Variants in GRIP1 observed in about 807,000 individuals in gnomAD.
The protein encoded by GRIP1 is glutamate receptor-interacting protein 1.
Under a neutral mutation model 129.9 loss-of-function variants are expected in GRIP1, and 45 were observed. The ratio of observed to expected loss-of-function variants is 0.35; its 90% CI spans 0.27 to 0.44. GRIP1 has a LOEUF of 0.44. Ranked by LOEUF, GRIP1 falls within the 20% of genes least tolerant of loss-of-function variation. The pLI is 1.00. For synonymous variants in GRIP1, 530 were observed against 520.8 expected (o/e 1.02, Z -0.24); for missense variants, 1,196 against 1,396.8 (o/e 0.86, Z 2.29).
At chr12:66,920,916 ATCT>A (rs2041202613) in intron 1 of GRIP1, among the ~76,000 whole-genome samples, 1 of 152,234 alleles carries the variant, frequency 6.6e-6, no homozygotes, top group African/African-American at 2.4e-5. Flanking sequence ...TTCTCTAATG[ATCT>A]TCTGGCAAAT....
chr12:66,773,596 T>C (rs2037889290), intron 1 of GRIP1, among the ~76,000 whole-genome samples: 1 of 152,146 alleles, frequency 6.6e-6, no homozygotes, highest in Admixed American at 6.5e-5. Context: ...TTAGGAGAAA[T>C]ACCTAACGTA....
intron 7 of GRIP1, among the ~76,000 whole-genome samples, chr12:66,491,887 A>G (rs1033013862): frequency 1.3e-5 from 2 of 152,204 alleles, no homozygotes. Context: ...ATTCCCTATC[A>G]TCATTCTACA....
intron 2 of GRIP1, among the ~76,000 whole-genome samples, chr12:66,582,223 A>G (rs11176283): frequency 0.21 from 28,929 of 138,794 alleles, 3,249 homozygotes; most frequent in Admixed American, 0.24. Context: ...TGCTAAAAAC[A>G]CTCAATAAAT....
chr12:66,988,558 T>G (rs1343327620), intron 1 of GRIP1, among the ~76,000 whole-genome samples: 1 of 152,084 alleles, frequency 6.6e-6, no homozygotes, highest in Admixed American at 6.6e-5. Context: ...TTTTGAATTT[T>G]TTGTAGAGAC....
At position 66,822,060 on chromosome 12, in the gene GRIP1, T is replaced by C. The variant is rs574296613; in HGVS notation, c.59-225133A>G. 2.0e-5 allele frequency among the ~76,000 whole-genome samples: 3 copies of C among 152,154 alleles called. No individual in the cohort carries two copies. In the South Asian group the frequency reaches 6.2e-4, roughly 32 times the overall value. ...TGTATGTGTGTTTCTTTCTTTTCAA[T>C]TACCTGGTATTCAGAAAGCATCATG... On this transcript the variant is annotated intron_variant, in intron 1 of 1. Transcript: ENST00000643019.
intron 1 of GRIP1, among the ~76,000 whole-genome samples, chr12:66,967,720 T>C (rs2042017405): frequency 6.6e-6 from 1 of 152,204 alleles, no homozygotes; most frequent in Admixed American, 6.5e-5. Context: ...TGAAGGGTGC[T>C]GTTTAATCTG....
intron 1 of GRIP1, among the ~76,000 whole-genome samples, chr12:66,684,670 C>A (rs1300121428): frequency 6.6e-6 from 1 of 152,078 alleles, no homozygotes. Flanking sequence ...CATGGTGAAA[C>A]CCTGTGTCTA....
In GRIP1 at chr12:66,775,260, G is replaced by T. The variant is rs184625388; in HGVS notation, c.-420+28793C>A. Among the ~76,000 whole-genome samples, 183 of 152,258 alleles carry T rather than the reference G, an allele frequency of 1.2e-3. 4 individuals carry two copies. The highest frequency in any genetic ancestry group is 0.011 in the Admixed American group (167 of 15,290). On this transcript the variant is annotated intron_variant, in intron 1 of 4. Transcript: ENST00000538373. ...AGCCTGAAAAACAAGCTGAAACAAA[G>T]GGGGTTGGGACAATTAAGAATTTCT...
intron 1 of GRIP1, among the ~76,000 whole-genome samples, chr12:66,753,267 A>G (rs868191802): frequency 8.9e-4 from 135 of 152,296 alleles, no homozygotes; most frequent in African/African-American, 3.1e-3. Flanking sequence ...ATATTTTCCA[A>G]CCTCTCTTGT....
chr12:66,651,831 AT>A (rs969970599), intron 1 of GRIP1, among the ~76,000 whole-genome samples: 58 of 151,534 alleles, frequency 3.8e-4, no homozygotes, highest in Middle Eastern at 3.4e-3. Flanking sequence ...ACTTCTAAAT[AT>A]TTTTTTTTAA....
intron 11 of GRIP1, among the ~76,000 whole-genome samples, chr12:66,448,286 A>G (rs2058687200): frequency 6.6e-6 from 1 of 152,122 alleles, no homozygotes; most frequent in South Asian, 2.1e-4. Flanking sequence ...TTAAAATCTC[A>G]AAGTAGCCTT....
At chr12:66,665,728 G>C (rs2033758044) in intron 1 of GRIP1, among the ~76,000 whole-genome samples, 1 of 152,128 alleles carries the variant, frequency 6.6e-6, no homozygotes, top group Admixed American at 6.5e-5. Flanking sequence ...GTGCTGCTAG[G>C]ACCATTCTTG....
intron 1 of GRIP1, among the ~76,000 whole-genome samples, chr12:66,609,199 T>G (rs2064683190): frequency 6.6e-6 from 1 of 151,990 alleles, no homozygotes; most frequent in African/African-American, 2.4e-5. Context: ...TAGGTCTGCC[T>G]GAAACAAAAG....
intron 16 of GRIP1, among the ~76,000 whole-genome samples, chr12:66,398,000 C>A (rs2056857405): frequency 6.6e-6 from 1 of 152,196 alleles, no homozygotes; most frequent in South Asian, 2.1e-4. Flanking sequence ...GCTGCCCGCA[C>A]ACAGTCTTTT....
At chr12:66,579,458 C>T (rs1321467093) in intron 2 of GRIP1, among the ~76,000 whole-genome samples, 17 of 151,826 alleles carry the variant, frequency 1.1e-4, no homozygotes, top group Non-Finnish European at 1.6e-4. Context: ...GATCAAACTA[C>T]GAGCTACAGG....
At chr12:66,650,775 C>G (rs1189495957) in intron 1 of GRIP1, among the ~76,000 whole-genome samples, 1 of 152,170 alleles carries the variant, frequency 6.6e-6, no homozygotes, top group Non-Finnish European at 1.5e-5. Flanking sequence ...TACTACCCTA[C>G]TGCCTCTTGT....
intron 19 of GRIP1, among the ~76,000 whole-genome samples, chr12:66,381,338 A>G (rs1565683716): frequency 6.6e-6 from 1 of 152,248 alleles, no homozygotes; most frequent in Non-Finnish European, 1.5e-5. Flanking sequence ...TGTTGACTTA[A>G]GGAAACACAG....
chr12:66,766,195 A>T (rs546800157), intron 1 of GRIP1, among the ~76,000 whole-genome samples: 1 of 152,340 alleles, frequency 6.6e-6, no homozygotes, highest in East Asian at 1.9e-4. Context: ...TGAAATATCA[A>T]ATCAAAGGGC....
chr12:66,592,366 A>G (rs2063878981), intron 2 of GRIP1, among the ~76,000 whole-genome samples: 1 of 152,192 alleles, frequency 6.6e-6, no homozygotes, highest in African/African-American at 2.4e-5. Flanking sequence ...AGCAACAACA[A>G]AGACTGATGT....
Sources: allele counts gnomAD v4.1 joint callset (sites outside exome capture counted in the v4.1 genomes callset), GRCh38; gene constraint gnomAD v4.1.1; transcripts MANE v1.5; gene names NCBI Gene and HGNC (gene_info 2026-07-23, HGNC 2026-07-21).